The following PIK3CB variants were observed in gnomAD, a reference collection of about 807,000 sequenced individuals.
PIK3CB encodes phosphatidylinositol 4,5-bisphosphate 3-kinase catalytic subunit beta isoform.
A neutral mutation model predicts 136.8 loss-of-function variants in PIK3CB; 39 were observed. That is an observed-to-expected ratio of 0.29 (90% CI 0.22 to 0.37). The LOEUF is 0.37. Among genes scored for constraint, PIK3CB ranks in the 10% least tolerant of loss-of-function variants. PIK3CB has a pLI of 1.00. For missense variants in PIK3CB, 868 were observed against 1,275.4 expected, an observed-to-expected ratio of 0.68 and a Z score of 4.87; for synonymous variants, 428 against 436.6, an observed-to-expected ratio of 0.98 and a Z score of 0.25.
chr3:138,776,059 G>A (rs149384898), intron 2 of PIK3CB, among the ~76,000 whole-genome samples: 3 of 152,016 alleles, frequency 2.0e-5, no homozygotes, highest in African/African-American at 7.3e-5. Flanking sequence ...TTAGCCGGGC[G>A]TGGTGGCGTG....
At chr3:138,746,155 A>G (rs2045350923) in intron 4 of PIK3CB, among the ~76,000 whole-genome samples, 1 of 151,878 alleles carries the variant, frequency 6.6e-6, no homozygotes, top group African/African-American at 2.4e-5. Flanking sequence ...CTGAGGTGGG[A>G]GGATCACTTG....
intron 2 of PIK3CB, among the ~76,000 whole-genome samples, chr3:138,761,517 A>G (rs2045661334): frequency 6.6e-6 from 1 of 152,246 alleles, no homozygotes; most frequent in African/African-American, 2.4e-5. Context: ...CATGCCTGTA[A>G]TCTCAGCACT....
At chr3:138,829,808 G>A (rs1039561176) in intron 1 of PIK3CB, among the ~76,000 whole-genome samples, 1 of 151,962 alleles carries the variant, frequency 6.6e-6, no homozygotes, top group Non-Finnish European at 1.5e-5. Context: ...AAAGAAAACT[G>A]CTAGGGAAGG....
At chr3:138,799,324 C>T (rs936007771) in intron 1 of PIK3CB, among the ~76,000 whole-genome samples, 9 of 151,778 alleles carry the variant, frequency 5.9e-5, no homozygotes, top group African/African-American at 2.2e-4. Flanking sequence ...ATTACAGGTG[C>T]CTGCTACCAC....
At position 138,793,327 on chromosome 3, in the gene PIK3CB, T is replaced by C. The variant is rs146623533; in HGVS notation, c.-17+3136A>G. 8.1e-4 allele frequency among the ~76,000 whole-genome samples: 124 copies of C among 152,314 alleles called. 1 individual carries two copies. In the East Asian group the frequency reaches 0.021, roughly 26 times the overall value. ...CAAGCTATGTAAGTTTAAACCTCGC[T>C]GGGCATGGTGGCTCACGCCTGTAAT... On this transcript the variant is annotated intron_variant, in intron 2 of 23. Coordinates refer to ENST00000674063, the MANE Select transcript of PIK3CB (RefSeq NM_006219.3).
intron 3 of PIK3CB, 59 bp downstream of exon 3, chr3:138,759,114 A>G: frequency 9.9e-7 from 1 of 1,014,040 alleles, no homozygotes; most frequent in Non-Finnish European, 1.4e-6. Context: ...TTATAGAATG[A>G]TATTTCCCCC....
intron 5 of PIK3CB, among the ~76,000 whole-genome samples, chr3:138,742,092 G>A (rs992349066): frequency 3.9e-5 from 6 of 152,112 alleles, no homozygotes; most frequent in Non-Finnish European, 5.9e-5. Flanking sequence ...CTACCGATGG[G>A]GGAGAAAAGT....
chr3:138,668,053 A>G (rs1032693516), intron 19 of PIK3CB, among the ~76,000 whole-genome samples: 2 of 151,910 alleles, frequency 1.3e-5, no homozygotes, highest in African/African-American at 4.8e-5. Flanking sequence ...GGGCAATAAG[A>G]GCAAAACTCC....
Position 138,825,383 on chromosome 3 carries a change from A to G in PIK3CB, c.-122+9312T>C, listed in dbSNP as rs546316912. On this transcript the variant is annotated intron_variant, in intron 1 of 23. Transcript: ENST00000674063. The stretch of plus-strand genomic sequence containing the variant: ...TTCTGGCTTATATGCTGAAGTGTGA[A>G]GCAACTAATTGGTGTTAACAAAATG... The G allele has an allele frequency of 4.9e-6, 3 of 614,048 alleles. No individual in the cohort carries two copies. The Admixed American group carries it at 6.8e-5, about 14-fold the overall frequency. 38.0% of individuals were successfully genotyped at this position (614,048 alleles called of 1,614,324 possible). A position where few individuals can be genotyped will look rare whatever the true frequency, so the allele number is the denominator to read the frequency against.
intron 1 of PIK3CB, among the ~76,000 whole-genome samples, chr3:138,802,903 C>T (rs898166152): frequency 6.6e-6 from 1 of 152,178 alleles, no homozygotes. Flanking sequence ...AATATTCACA[C>T]ACTCTAATAC....
At chr3:138,810,291 C>T (rs994879851) in intron 1 of PIK3CB, among the ~76,000 whole-genome samples, 4 of 152,070 alleles carry the variant, frequency 2.6e-5, no homozygotes, top group African/African-American at 9.7e-5. Flanking sequence ...GGAACTATAA[C>T]GCCCCACTCT....
At chr3:138,804,751 A>G (rs557169277) in intron 1 of PIK3CB, among the ~76,000 whole-genome samples, 24 of 152,222 alleles carry the variant, frequency 1.6e-4, no homozygotes, top group East Asian at 7.7e-4. Flanking sequence ...ATGGCCGGGA[A>G]CGGTGGCTCA....
chr3:138,778,146 T>C, intron 2 of PIK3CB: 1 of 437,626 alleles, frequency 2.3e-6, no homozygotes, highest in Non-Finnish European at 4.6e-6. Flanking sequence ...TGTAGAAGGC[T>C]GGGGCTCATT....
At chr3:138,668,024 C>T (rs2043452049) in intron 19 of PIK3CB, among the ~76,000 whole-genome samples, 1 of 151,816 alleles carries the variant, frequency 6.6e-6, no homozygotes, top group Admixed American at 6.6e-5. Context: ...GCTGAGATTG[C>T]ACCATTGCAC....
At chr3:138,817,026 C>T (rs1399957335) in intron 1 of PIK3CB, among the ~76,000 whole-genome samples, 2 of 150,860 alleles carry the variant, frequency 1.3e-5, no homozygotes, top group East Asian at 3.9e-4. Context: ...CATGGAGAAA[C>T]CCCGTCTCTA....
At chr3:138,688,772 C>T (rs1210706500) in intron 16 of PIK3CB, 103 bp downstream of exon 16, 1 of 678,334 alleles carries the variant, frequency 1.5e-6, no homozygotes, top group Non-Finnish European at 2.6e-6. Context: ...TGATCAAACA[C>T]CAAGTACCAA....
At chr3:138,698,820 A>C in intron 13 of PIK3CB, 87 bp downstream of exon 13, 2 of 749,926 alleles carry the variant, frequency 2.7e-6, no homozygotes, top group East Asian at 2.7e-5. Flanking sequence ...TATCTATGAA[A>C]ATATACCTAT....
At chr3:138,692,219 T>C (rs2044025076) in intron 14 of PIK3CB, among the ~76,000 whole-genome samples, 1 of 152,176 alleles carries the variant, frequency 6.6e-6, no homozygotes, top group Non-Finnish European at 1.5e-5. Context: ...TCCACAGTAT[T>C]GGGTAATAAA....
intron 2 of PIK3CB, chr3:138,778,119 T>A (rs2045881558): frequency 7.7e-6 from 3 of 388,044 alleles, no homozygotes; most frequent in Non-Finnish European, 1.5e-5. Context: ...TGGAGACCAC[T>A]GGCATCTTCA....
Sources: allele counts gnomAD v4.1 joint callset (sites outside exome capture counted in the v4.1 genomes callset), GRCh38; gene constraint gnomAD v4.1.1; transcripts MANE v1.5; gene names NCBI Gene and HGNC (gene_info 2026-07-23, HGNC 2026-07-21).